APC: variants seen among roughly 807,000 people sequenced by gnomAD.
The protein encoded by APC is adenomatous polyposis coli protein.
In APC, 72 loss-of-function variants were observed where a neutral mutation model predicts 247.0. That is an observed-to-expected ratio of 0.29 (90% CI 0.24 to 0.35). The LOEUF (loss-of-function observed/expected upper bound fraction) is 0.35. Ranked by LOEUF, APC falls within the 10% of genes least tolerant of loss-of-function variation. APC has a pLI of 1.00. For synonymous variants in APC, 1,254 were observed against 1,162.5 expected (o/e 1.08, Z -1.60); for missense variants, 3,400 against 3,360.7 (o/e 1.01, Z -0.29).
chr5:112,754,411 G>T (rs1452356221), intron 1 of APC, among the ~76,000 whole-genome samples: 3 of 152,154 alleles, frequency 2.0e-5, no homozygotes, highest in African/African-American at 4.8e-5. Context: ...AATAAAAAGT[G>T]TGAAATGGAA....
chr5:112,748,092 A>G (rs1314524887), intron 1 of APC, among the ~76,000 whole-genome samples: 3 of 152,150 alleles, frequency 2.0e-5, no homozygotes, highest in Non-Finnish European at 4.4e-5. Flanking sequence ...CCTTACAGAA[A>G]ATGCTTGCCA....
intron 8 of APC, among the ~76,000 whole-genome samples, chr5:112,806,599 T>A (rs1265224151): frequency 6.7e-6 from 1 of 148,470 alleles, no homozygotes; most frequent in Non-Finnish European, 1.5e-5. Flanking sequence ...TTTATTGAGA[T>A]AGGGTCTCAC....
chr5:112,840,269 T>G lies in APC; in HGVS notation c.4675T>G (p.Ser1559Ala). The change falls in exon 16 of 16, where the codon TCT becomes GCT. Residue 1559 changes from serine (S) to alanine (A), a missense_variant. Coordinates refer to ENST00000257430, the MANE Select transcript of APC (RefSeq NM_000038.6). This position sits in a 1 kb window ranked among gnomAD's most constrained non-coding sequence, Gnocchi z 4.1. ...GAAAGAGGCAGAAAAAACTATTGAT[T>G]CTGAAAAGGACCTATTAGATGATTC... is the stretch of plus-strand genomic sequence containing the variant. ...QEKEAEKTIDSEKDLLDDSDD... is the reference protein window; with the variant it reads ...QEKEAEKTIDAEKDLLDDSDD... 1 of 1,614,106 alleles carries G rather than the reference T, an allele frequency of 6.2e-7. No individual in the cohort carries two copies. Among genetic ancestry groups the G allele is most frequent in the South Asian group, 1.1e-5 (1 of 91,076 alleles).
rs876659684 is a variant in APC, at chr5:112,842,208, C to T, written c.6614C>T (p.Ser2205Phe). Residue 2205 changes from serine (S) to phenylalanine (F), a missense_variant, in exon 16 of 16, where the codon TCT (serine) becomes TTT (phenylalanine). Coordinates refer to ENST00000257430, the MANE Select transcript of APC (RefSeq NM_000038.6). ...AGTTTGATTACTGGAAAAGTTCGAT[C>T]TAATTCAGAAATTTCAGGCCAAATG... is the stretch of plus-strand genomic sequence containing the variant. Reference protein sequence around the residue: ...YKSLITGKVRSNSEISGQMKQ... With the variant: ...YKSLITGKVRFNSEISGQMKQ... The T allele has an allele frequency of 1.2e-6, 2 of 1,613,548 alleles. No homozygotes were observed.
At chr5:112,766,466 A>T (rs1756349600) in intron 3 of APC, 56 bp downstream of exon 3, 1 of 1,210,548 alleles carries the variant, frequency 8.3e-7, no homozygotes, top group Non-Finnish European at 1.2e-6. Flanking sequence ...TGTCATCTTT[A>T]GGTGTGTAGA....
At position 112,822,018 on chromosome 5, in the gene APC, A is replaced by G. The variant is rs863225312; in HGVS notation, c.1408+27A>G. 2.8e-6 allele frequency: 4 copies of G among 1,405,076 alleles called. No homozygotes were observed. Among genetic ancestry groups the G allele is most frequent in the Non-Finnish European group, 3.0e-6 (3 of 993,700 alleles). 87.0% of individuals were successfully genotyped at this position (1,405,076 alleles called of 1,614,324 possible). On this transcript the variant is annotated intron_variant, in intron 11 of 15. Coordinates refer to ENST00000257430, the MANE Select transcript of APC (RefSeq NM_000038.6). ...TAAGACAAAAATGTTTTTTAATGAC[A>G]TAGACAATTACTGGTGGATTTTTAA... is the stretch of plus-strand genomic sequence containing the variant.
intron 14 of APC, chr5:112,829,209 G>C (rs139556143): frequency 0.012 from 4,762 of 396,824 alleles, 55 homozygotes; most frequent in Non-Finnish European, 0.014. Flanking sequence ...TCTGATCTTG[G>C]CTCACTGCAA....
chr5:112,826,139 A>G (rs1363854465), intron 11 of APC, among the ~76,000 whole-genome samples: 1 of 150,904 alleles, frequency 6.6e-6, no homozygotes, highest in Non-Finnish European at 1.5e-5. Context: ...TGAACTTCCC[A>G]GATCACTTAT....
intron 1 of APC, among the ~76,000 whole-genome samples, chr5:112,739,782 A>C (rs1752781609): frequency 6.6e-6 from 1 of 152,248 alleles, no homozygotes; most frequent in Admixed American, 6.5e-5. Flanking sequence ...TTAAAATTCC[A>C]AATGACATTT....
chr5:112,839,806 C>T lies in APC; in HGVS notation c.4212C>T (p.Ser1404=), dbSNP rs144655979. The T allele has an allele frequency of 2.2e-5, 35 of 1,613,936 alleles. No individual in the cohort carries two copies. The highest frequency in any genetic ancestry group is 2.0e-4 in the African/African-American group (15 of 74,868). ...TTGAGAGTCGTTCGATTGCCAGCTC[C>T]GTTCAGAGTGAACCATGCAGTGGAA... ...DSFESRSIAS[S]VQSEPCSGMV... Residue 1404 remains serine, a synonymous_variant, in exon 16 of 16, where the codon TCC becomes TCT. Transcript: ENST00000257430. The surrounding 1 kb of genome is among the most constrained non-coding windows in gnomAD (Gnocchi z 5.0).
intron 1 of APC, among the ~76,000 whole-genome samples, chr5:112,726,311 G>T (rs928549074): frequency 2.0e-5 from 3 of 152,198 alleles, no homozygotes; most frequent in Admixed American, 6.5e-5. Flanking sequence ...TTATCGAGTT[G>T]TGGAGGTGGC....
chr5:112,829,879 T>A (rs974130211), intron 14 of APC: 4 of 152,156 alleles, frequency 2.6e-5, no homozygotes, highest in African/African-American at 9.7e-5. Flanking sequence ...AAATAATAAT[T>A]TGTTTACAGA....
chr5:112,753,629 G>A (rs1002951768), intron 1 of APC, among the ~76,000 whole-genome samples: 1 of 152,012 alleles, frequency 6.6e-6, no homozygotes, highest in Admixed American at 6.6e-5. Context: ...CTCCTCAGAT[G>A]TCATTGGATT....
Position 112,815,555 on chromosome 5 carries a change from T to A in APC, c.895T>A (p.Ser299Thr), listed in dbSNP as rs763630775. ...TGTTTTGAGTTCTAGTAGCACACACTCTGCACCTCGAAGGCTGACAAGTCA... is the reference window on the plus strand; with the variant it reads ...TGTTTTGAGTTCTAGTAGCACACACACTGCACCTCGAAGGCTGACAAGTCA... ...ASVLSSSSTH[S>T]APRRLTSHLG... Residue 299 changes from serine (S) to threonine (T), a missense_variant, in exon 9 of 16, where the codon TCT becomes ACT. By Grantham distance (58) the Ser-to-Thr change is moderately conservative. This residue lies in a region of APC where 372 missense variants were observed against 367.6 expected (regional missense o/e 1.01). Coordinates refer to ENST00000257430, the MANE Select transcript of APC (RefSeq NM_000038.6). 1.5e-5 allele frequency: 24 copies of A among 1,612,174 alleles called. No individual in the cohort carries two copies. The South Asian group carries it at 2.1e-4, about 14-fold the overall frequency.
intron 4 of APC, among the ~76,000 whole-genome samples, chr5:112,771,582 A>G (rs868608429): frequency 5.3e-5 from 8 of 152,272 alleles, no homozygotes; most frequent in African/African-American, 1.9e-4. Flanking sequence ...TTATCAAGGT[A>G]CCAATGAGAA....
chr5:112,770,558 G>GGT (rs1469206655), intron 4 of APC, among the ~76,000 whole-genome samples: 1 of 152,060 alleles, frequency 6.6e-6, no homozygotes, highest in African/African-American at 2.4e-5. Context: ...GAGAGAAAGA[G>GGT]GTATCAACAT....
intron 14 of APC, 124 bp downstream of exon 14, chr5:112,829,096 T>C: frequency 1.4e-6 from 1 of 716,860 alleles, no homozygotes; most frequent in Non-Finnish European, 2.5e-6. Context: ...ATAATATGAA[T>C]TTCATGTTTA....
intron 1 of APC, among the ~76,000 whole-genome samples, chr5:112,713,571 T>C (rs1750985889): frequency 6.6e-6 from 1 of 152,124 alleles, no homozygotes; most frequent in South Asian, 2.1e-4. Flanking sequence ...AATGACAGTA[T>C]TGTATGGAGA....
intron 1 of APC, among the ~76,000 whole-genome samples, chr5:112,749,911 GTTT>G (rs1292101589): frequency 2.7e-5 from 3 of 110,770 alleles, no homozygotes; most frequent in Non-Finnish European, 5.8e-5. Flanking sequence ...ATACTTAGTT[GTTT>G]TTTTTTTTTT....
Sources: gnomAD v4.1 joint callset for allele counts (sites outside exome capture counted in the v4.1 genomes callset) on GRCh38, gnomAD v4.1.1 for gene constraint, gnomAD v4.1.1 regional missense constraint, Gnocchi (gnomAD v3.1) non-coding constraint, MANE v1.5 for transcripts, NCBI Gene and HGNC (gene_info 2026-07-23, HGNC 2026-07-21) for gene names.